Variants in DPP10 observed in about 807,000 individuals in gnomAD.
DPP10 encodes the protein inactive dipeptidyl peptidase 10.
A neutral mutation model predicts 120.9 loss-of-function variants in DPP10; 33 were observed. That is an observed-to-expected ratio of 0.27 (90% CI 0.21 to 0.37). The LOEUF is 0.37. Ranked by LOEUF, DPP10 falls within the 10% of genes least tolerant of loss-of-function variation. The pLI, the probability that DPP10 is intolerant of heterozygous loss-of-function variation, is 1.00. For synonymous variants in DPP10, 337 were observed against 326.1 expected (o/e 1.03, Z -0.36); for missense variants, 816 against 942.8 (o/e 0.87, Z 1.76).
chr2:115,486,472 G>C (rs1010096582), intron 3 of DPP10, among the ~76,000 whole-genome samples: 2 of 152,016 alleles, frequency 1.3e-5, no homozygotes, highest in African/African-American at 4.8e-5. Context: ...CTAGACCTTT[G>C]GGATCATATA....
intron 1 of DPP10, among the ~76,000 whole-genome samples, chr2:115,047,399 T>C (rs529790273): frequency 6.6e-6 from 1 of 152,152 alleles, no homozygotes; most frequent in African/African-American, 2.4e-5. Flanking sequence ...ACTATTACAT[T>C]GTGATTGAAA....
At chr2:115,485,205 T>A (rs2105302131) in intron 3 of DPP10, among the ~76,000 whole-genome samples, 1 of 146,952 alleles carries the variant, frequency 6.8e-6, no homozygotes, top group African/African-American at 2.5e-5. Flanking sequence ...TTCTTAATCA[T>A]CTGAATTTTT....
At chr2:115,792,470 C>T (rs932972356) in intron 19 of DPP10, among the ~76,000 whole-genome samples, 1 of 151,938 alleles carries the variant, frequency 6.6e-6, no homozygotes, top group Non-Finnish European at 1.5e-5. Context: ...TTAATTTTCT[C>T]TCTCACTCTA....
chr2:115,431,631 T>C (rs1325234078), intron 3 of DPP10, among the ~76,000 whole-genome samples: 5 of 152,114 alleles, frequency 3.3e-5, no homozygotes, highest in Non-Finnish European at 7.4e-5. Context: ...CTAGCCCTCT[T>C]GGACTCTCCA....
rs537748933 is a variant in DPP10 at position 114,466,430 on chromosome 2, T to C, written c.60+23592T>C. Among the ~76,000 whole-genome samples, 3 of 152,328 alleles carry C rather than the reference T, an allele frequency of 2.0e-5. No individual in the cohort carries two copies. The South Asian group carries it at 6.2e-4, about 32-fold the overall frequency. On this transcript the variant is annotated intron_variant, in intron 1 of 25. Transcript: ENST00000410059. ...AGGATGGACCATAGCAAAGGGTCTT[T>C]ATTACACAATAGTTGTGAGCACTGG... is the stretch of plus-strand genomic sequence containing the variant.
chr2:115,520,282 C>A lies in DPP10; in HGVS notation c.367-5616C>A, dbSNP rs1168389372. Among the ~76,000 whole-genome samples the A allele has an allele frequency of 2.0e-5, 3 of 152,266 alleles. No homozygotes were observed. The East Asian group carries it at 5.8e-4, about 29-fold the overall frequency. On this transcript the variant is annotated intron_variant, in intron 4 of 25. Coordinates refer to ENST00000410059, the MANE Select transcript of DPP10 (RefSeq NM_020868.6). ...GCAGTGAGCCAAGATAGCGCCATTG[C>A]ACTCCAGCCCGGGTGACAGTGCGAG...
chr2:114,915,440 A>G (rs1694732832), intron 1 of DPP10, among the ~76,000 whole-genome samples: 1 of 152,236 alleles, frequency 6.6e-6, no homozygotes, highest in Admixed American at 6.5e-5. Context: ...AGATATCATC[A>G]GGCATAAAAT....
At chr2:114,663,928 T>G (rs1014388329) in intron 1 of DPP10, among the ~76,000 whole-genome samples, 1 of 102,158 alleles carries the variant, frequency 9.8e-6, no homozygotes, top group African/African-American at 1.1e-4. Flanking sequence ...ATCATAGATA[T>G]TATTATTAAT....
chr2:115,168,218 A>G (rs1263146255), intron 1 of DPP10, among the ~76,000 whole-genome samples: 1 of 152,192 alleles, frequency 6.6e-6, no homozygotes, highest in African/African-American at 2.4e-5. Flanking sequence ...TGTATGCTCC[A>G]CTTATTAAAA....
At chr2:114,580,251 G>T (rs987208407) in intron 1 of DPP10, among the ~76,000 whole-genome samples, 2 of 152,144 alleles carry the variant, frequency 1.3e-5, no homozygotes, top group Non-Finnish European at 2.9e-5. Flanking sequence ...GGCTTGGTTT[G>T]ACTGATTAAT....
At chr2:115,386,064 G>A (rs1220030162) in intron 3 of DPP10, among the ~76,000 whole-genome samples, 2 of 152,114 alleles carry the variant, frequency 1.3e-5, no homozygotes, top group Non-Finnish European at 2.9e-5. Context: ...AATAATTGGT[G>A]TTTAGGCAAT....
intron 1 of DPP10, among the ~76,000 whole-genome samples, chr2:115,119,878 G>T (rs1422395696): frequency 6.6e-6 from 1 of 152,166 alleles, no homozygotes; most frequent in Non-Finnish European, 1.5e-5. Context: ...CCTAAAAAGG[G>T]AAAATCCCAG....
At chr2:115,106,528 T>A (rs2048951832) in intron 1 of DPP10, among the ~76,000 whole-genome samples, 1 of 152,206 alleles carries the variant, frequency 6.6e-6, no homozygotes. Flanking sequence ...GGTGTGAACA[T>A]GGCTGATTTG....
At chr2:115,493,690 A>T (rs766858813) in intron 3 of DPP10, among the ~76,000 whole-genome samples, 3 of 152,170 alleles carry the variant, frequency 2.0e-5, no homozygotes, top group Non-Finnish European at 4.4e-5. Flanking sequence ...GTTACACACT[A>T]TGAAGTTGAG....
chr2:114,901,791 C>CTTTA lies in DPP10; in HGVS notation c.61-407448_61-407447insTTTA, dbSNP rs1368128701. Among the ~76,000 whole-genome samples, 5 of 152,274 alleles carry CTTTA rather than the reference C, an allele frequency of 3.3e-5. No homozygotes were observed. The East Asian group carries it at 7.7e-4, about 23-fold the overall frequency. ...AATTTTAAAGAAGTGGGATCAAGAACCTTAAGCTCTTTCTTCAAATAATAA... is the reference window on the plus strand; with the variant it reads ...AATTTTAAAGAAGTGGGATCAAGAACTTTACTTAAGCTCTTTCTTCAAATAATAA... On this transcript the variant is annotated intron_variant, in intron 1 of 25. Coordinates refer to ENST00000410059, the MANE Select transcript of DPP10 (RefSeq NM_020868.6).
chr2:115,139,726 A>AAT (rs2050825521), intron 1 of DPP10, among the ~76,000 whole-genome samples: 1 of 13,382 alleles, frequency 7.5e-5, no homozygotes, highest in African/African-American at 1.2e-4. Flanking sequence ...AAAAATACTA[A>AAT]AAAAAAAAAA....
In DPP10 at chr2:114,708,167, G is replaced by A. The variant is rs190462704; in HGVS notation, c.60+265329G>A. On this transcript the variant is annotated intron_variant, in intron 1 of 25. Transcript: ENST00000410059. Reference sequence around the variant, plus strand: ...AACAAACAAACCTAGAATCCATGCTGAGTCAGTTCCCCGAGTCTCAGGAAA... The same window carrying A: ...AACAAACAAACCTAGAATCCATGCTAAGTCAGTTCCCCGAGTCTCAGGAAA... 4.7e-4 allele frequency among the ~76,000 whole-genome samples: 72 copies of A among 152,300 alleles called. 1 individual carries two copies. The highest frequency in any genetic ancestry group is 1.7e-3 in the African/African-American group (69 of 41,572).
At chr2:114,920,054 G>A (rs1695088851) in intron 1 of DPP10, among the ~76,000 whole-genome samples, 1 of 152,012 alleles carries the variant, frequency 6.6e-6, no homozygotes, top group South Asian at 2.1e-4. Flanking sequence ...ATATTTTACT[G>A]ATCTTAACAG....
At chr2:115,038,907 T>C (rs1021717077) in intron 1 of DPP10, among the ~76,000 whole-genome samples, 2 of 152,214 alleles carry the variant, frequency 1.3e-5, no homozygotes, top group Non-Finnish European at 2.9e-5. Context: ...TGCTCAGATT[T>C]CTGGGACTCA....
Sources: allele counts gnomAD v4.1 joint callset (sites outside exome capture counted in the v4.1 genomes callset), GRCh38; gene constraint gnomAD v4.1.1; transcripts MANE v1.5; gene names NCBI Gene and HGNC (gene_info 2026-07-23, HGNC 2026-07-21).